MRTFB: variants seen among roughly 807,000 people sequenced by gnomAD.
MRTFB encodes the protein myocardin-related transcription factor B.
Under a neutral mutation model 104.2 loss-of-function variants are expected in MRTFB, and 29 were observed. That is an observed-to-expected ratio of 0.28 (90% CI 0.21 to 0.38). The LOEUF (loss-of-function observed/expected upper bound fraction) is 0.38, where lower values mean the gene tolerates loss of function less well. MRTFB is among the 10% of genes least tolerant of loss of function. MRTFB has a pLI of 1.00. For synonymous variants in MRTFB, 535 were observed against 519.5 expected (o/e 1.03, Z -0.41); for missense variants, 1,270 against 1,341.6 (o/e 0.95, Z 0.83).
intron 2 of MRTFB, among the ~76,000 whole-genome samples, chr16:14,085,042 G>C (rs1354379640): frequency 6.6e-6 from 1 of 152,192 alleles, no homozygotes; most frequent in East Asian, 1.9e-4. Flanking sequence ...CTACTCAGGA[G>C]AGTGAGGTGA....
intron 8 of MRTFB, among the ~76,000 whole-genome samples, chr16:14,233,470 C>G (rs1374528827): frequency 6.6e-6 from 1 of 152,046 alleles, no homozygotes; most frequent in African/African-American, 2.4e-5. Context: ...TCAGCATGAC[C>G]TGTATAGCAA....
intron 2 of MRTFB, among the ~76,000 whole-genome samples, chr16:14,081,413 C>T (rs1390819630): frequency 2.0e-5 from 3 of 151,988 alleles, no homozygotes; most frequent in African/African-American, 7.3e-5. Context: ...CTGCCTCAGC[C>T]TCGCAAGTAG....
At chr16:14,210,011 A>G (rs1231132798) in intron 3 of MRTFB, among the ~76,000 whole-genome samples, 1 of 152,240 alleles carries the variant, frequency 6.6e-6, no homozygotes, top group Admixed American at 6.5e-5. Context: ...TTGGTCATCA[A>G]AATAGGATAA....
chr16:14,221,234 T>C (rs2041688248), intron 8 of MRTFB, among the ~76,000 whole-genome samples: 4 of 152,340 alleles, frequency 2.6e-5, no homozygotes, highest in East Asian at 1.9e-4. Flanking sequence ...AATTTTATAC[T>C]TTATTTTCAC....
chr16:14,047,782 G>C, the MRTFB span, among the ~76,000 whole-genome samples: 1 of 152,098 alleles, frequency 6.6e-6, no homozygotes, highest in Non-Finnish European at 1.5e-5. Context: ...ACAACACATG[G>C]GAATTATGGG....
chr16:14,086,928 T>G (rs140110653), intron 2 of MRTFB, among the ~76,000 whole-genome samples: 249 of 152,364 alleles, frequency 1.6e-3, no homozygotes, highest in Non-Finnish European at 2.6e-3. Flanking sequence ...CTGCAACAGT[T>G]TCTTCCTATT....
intron 3 of MRTFB, chr16:14,200,243 C>A (rs2040623317): frequency 1.5e-6 from 2 of 1,347,492 alleles, no homozygotes; most frequent in African/African-American, 1.5e-5. Context: ...ATGAATAATA[C>A]ATCCATATGT....
At chr16:14,213,841 A>C (rs1177021390) in intron 6 of MRTFB, among the ~76,000 whole-genome samples, 2 of 152,196 alleles carry the variant, frequency 1.3e-5, no homozygotes, top group Non-Finnish European at 2.9e-5. Context: ...CTTCCACACC[A>C]GCTGGTACCA....
At chr16:14,101,370 G>C (rs1203212806) in intron 2 of MRTFB, among the ~76,000 whole-genome samples, 1 of 152,122 alleles carries the variant, frequency 6.6e-6, no homozygotes, top group African/African-American at 2.4e-5. Flanking sequence ...AGTGGCATGA[G>C]GAGAGCCCCT....
rs576503930 is a variant in MRTFB, at chr16:14,225,022, A to G, written c.693+6024A>G. Among the ~76,000 whole-genome samples, 4 of 152,272 alleles carry G rather than the reference A, an allele frequency of 2.6e-5. No individual in the cohort carries two copies. In the South Asian group the frequency reaches 8.3e-4, roughly 32 times the overall value. On this transcript the variant is annotated intron_variant, in intron 8 of 16. Transcript: ENST00000571589. ...ACCAACATGGAGAAACCCTGTCTCTACTAAAAATACAAAATTAGCCAGATG... is the reference window on the plus strand; with the variant it reads ...ACCAACATGGAGAAACCCTGTCTCTGCTAAAAATACAAAATTAGCCAGATG...
chr16:14,148,402 T>C (rs1204345353), intron 3 of MRTFB, among the ~76,000 whole-genome samples: 1 of 152,168 alleles, frequency 6.6e-6, no homozygotes, highest in Non-Finnish European at 1.5e-5. Flanking sequence ...GCCTAATGAA[T>C]ACAGGGAATG....
chr16:14,093,335 G>T (rs2035190378), intron 2 of MRTFB, among the ~76,000 whole-genome samples: 1 of 151,778 alleles, frequency 6.6e-6, no homozygotes, highest in Non-Finnish European at 1.5e-5. Flanking sequence ...CATATGACAA[G>T]ATATTATAGT....
Position 14,251,910 on chromosome 16 carries a change from C to T in MRTFB, c.2452C>T (p.His818Tyr). The T allele has an allele frequency of 6.2e-7, 1 of 1,614,204 alleles. No individual in the cohort carries two copies. ...AAATACAGTTCTTCCATATCAGAGA[C>T]ATCCTGCCCCAGCTGTCCAGCAGCC... ...SSNTVLPYQR[H>Y]PAPAVQQPFI... Residue 818 changes from histidine (H) to tyrosine (Y), a missense_variant, in exon 14 of 17, where the codon CAT (histidine) becomes TAT (tyrosine). Transcript: ENST00000571589.
At chr16:13,997,958 A>G in the MRTFB span, among the ~76,000 whole-genome samples, 1 of 152,164 alleles carries the variant, frequency 6.6e-6, no homozygotes, top group Non-Finnish European at 1.5e-5. Context: ...CAAACCATCA[A>G]CAAACACAAT....
intron 3 of MRTFB, among the ~76,000 whole-genome samples, chr16:14,174,186 A>C (rs774721922): frequency 5.1e-4 from 77 of 152,168 alleles, no homozygotes; most frequent in African/African-American, 1.5e-3. Context: ...TGATTGTGCT[A>C]TTTTGGCCTT....
At chr16:14,144,910 C>G (rs1157177751) in intron 3 of MRTFB, 2 of 148,538 alleles carry the variant, frequency 1.3e-5, no homozygotes, top group South Asian at 2.1e-4. Flanking sequence ...GATTGCACCA[C>G]TGCACTCCAT....
intron 1 of MRTFB, among the ~76,000 whole-genome samples, chr16:14,076,837 A>C (rs11864157): frequency 2.4e-3 from 365 of 152,322 alleles, no homozygotes; most frequent in African/African-American, 8.2e-3. Flanking sequence ...TCGTAGATGA[A>C]AAATGATAAC....
At chr16:14,037,897 G>A in the MRTFB span, among the ~76,000 whole-genome samples, 1 of 152,168 alleles carries the variant, frequency 6.6e-6, no homozygotes, top group African/African-American at 2.4e-5. Context: ...TCTCATTTCT[G>A]TTCTGCTTTG....
the MRTFB span, among the ~76,000 whole-genome samples, chr16:13,999,706 C>T: frequency 2.6e-5 from 4 of 152,074 alleles, no homozygotes; most frequent in African/African-American, 4.8e-5. Context: ...AGATGGAGAA[C>T]GCTGTGTCCT....
Sources: gnomAD v4.1 joint callset for allele counts (sites outside exome capture counted in the v4.1 genomes callset) on GRCh38, gnomAD v4.1.1 for gene constraint, MANE v1.5 for transcripts, NCBI Gene and HGNC (gene_info 2026-07-23, HGNC 2026-07-21) for gene names.